The following PACRG variants were observed in gnomAD, a reference collection of about 807,000 sequenced individuals.
PACRG encodes parkin coregulated, also known as parkin coregulated gene protein.
PACRG carries 29 observed loss-of-function variants against 29.7 expected under a neutral mutation model. The observed-to-expected ratio is 0.98, with a 90% CI of 0.73 to 1.33. The LOEUF is 1.33. PACRG is among the 40% of genes most tolerant of loss of function. The probability of loss-of-function intolerance (pLI) is 0.00; values close to 1 mark genes in which losing one functional copy is unlikely to be tolerated. For missense variants in PACRG, 279 were observed against 316.2 expected (o/e 0.88, Z 0.89); for synonymous variants, 116 against 118.7 (o/e 0.98, Z 0.15).
chr6:163,177,709 G>GTTTTTTTTT (rs1562951194), intron 4 of PACRG, among the ~76,000 whole-genome samples: 1 of 33,646 alleles, frequency 3.0e-5, no homozygotes, highest in Non-Finnish European at 6.5e-5. Context: ...TTAGAAAAGG[G>GTTTTTTTTT]ATTTTTTTTT....
intron 4 of PACRG, among the ~76,000 whole-genome samples, chr6:163,229,402 AT>A (rs1781934729): frequency 6.6e-6 from 1 of 152,196 alleles, no homozygotes; most frequent in African/African-American, 2.4e-5. Flanking sequence ...AAAATCCAGT[AT>A]TTGTGATCCC....
At chr6:163,265,808 T>C (rs1260709719) in intron 4 of PACRG, among the ~76,000 whole-genome samples, 1 of 152,212 alleles carries the variant, frequency 6.6e-6, no homozygotes, top group African/African-American at 2.4e-5. Context: ...CAGGATTTTA[T>C]TTTAGTGATT....
At chr6:162,889,751 G>C (rs1466591591) in intron 2 of PACRG, among the ~76,000 whole-genome samples, 6 of 152,184 alleles carry the variant, frequency 3.9e-5, no homozygotes, top group Non-Finnish European at 8.8e-5. Context: ...TTATAGTCCG[G>C]TTATTTTCCA....
chr6:162,987,267 T>A (rs1584943174), intron 2 of PACRG, among the ~76,000 whole-genome samples: 1 of 152,138 alleles, frequency 6.6e-6, no homozygotes, highest in African/African-American at 2.4e-5. Flanking sequence ...GAGAGCCAGA[T>A]TGCATTGATT....
At chr6:163,282,991 G>T (rs1328410475) in intron 4 of PACRG, among the ~76,000 whole-genome samples, 1 of 152,222 alleles carries the variant, frequency 6.6e-6, no homozygotes, top group Non-Finnish European at 1.5e-5. Context: ...ATTAAAAAAA[G>T]AAGCTCTTGA....
At chr6:163,216,518 G>A (rs1347687975) in intron 4 of PACRG, among the ~76,000 whole-genome samples, 2 of 152,180 alleles carry the variant, frequency 1.3e-5, no homozygotes, top group Non-Finnish European at 2.9e-5. Context: ...TATAATTAAT[G>A]TAAAGCAAGG....
chr6:163,163,250 T>G (rs906290304), intron 4 of PACRG, among the ~76,000 whole-genome samples: 1 of 152,200 alleles, frequency 6.6e-6, no homozygotes, highest in Non-Finnish European at 1.5e-5. Flanking sequence ...TCCACATGGT[T>G]TTTTTTGTTG....
At chr6:162,727,870 A>C (rs948590167), upstream of PACRG, 3 of 598,302 alleles carry the variant, frequency 5.0e-6, no homozygotes, top group African/African-American at 3.8e-5. Flanking sequence ...GTTTCTCCTC[A>C]CGCCTCCTGC....
chr6:162,887,011 G>A (rs1008247555), intron 2 of PACRG, among the ~76,000 whole-genome samples: 3 of 152,062 alleles, frequency 2.0e-5, no homozygotes, highest in Non-Finnish European at 4.4e-5. Flanking sequence ...AGGTTCAAGC[G>A]ATTCTCCTGC....
At chr6:163,216,880 A>G (rs1024251927) in intron 4 of PACRG, among the ~76,000 whole-genome samples, 10 of 152,258 alleles carry the variant, frequency 6.6e-5, no homozygotes, top group African/African-American at 2.2e-4. Flanking sequence ...GCAACTTTAC[A>G]ATATTCAATG....
At chr6:163,031,325 C>A (rs1807642717) in intron 2 of PACRG, among the ~76,000 whole-genome samples, 1 of 152,202 alleles carries the variant, frequency 6.6e-6, no homozygotes, top group Non-Finnish European at 1.5e-5. Flanking sequence ...TAGGGGGTTG[C>A]TAGATCATTC....
intron 4 of PACRG, among the ~76,000 whole-genome samples, chr6:163,300,686 A>T (rs189249981): frequency 4.2e-4 from 64 of 152,344 alleles, no homozygotes; most frequent in Admixed American, 1.4e-3. Context: ...AAATCAGGAA[A>T]CCGGAATATA....
intron 2 of PACRG, chr6:163,046,822 T>C (rs1238285264): frequency 6.6e-6 from 1 of 152,222 alleles, no homozygotes; most frequent in East Asian, 1.9e-4. Flanking sequence ...TATATATATT[T>C]TTTGCTTTAG....
At position 163,269,952 on chromosome 6, in the gene PACRG, AAAG is replaced by A. The variant is rs1488834260; in HGVS notation, c.614-44872_614-44870del. Among the ~76,000 whole-genome samples the A allele has an allele frequency of 2.1e-3, 133 of 63,398 alleles. 19 individuals carry two copies. Among genetic ancestry groups the A allele is most frequent in the African/African-American group, 0.012 (126 of 10,820 alleles). The allele number at this position is 63,398 out of a possible 152,430, so 41.6% of individuals were successfully genotyped here. A position where few individuals can be genotyped will look rare whatever the true frequency, so the allele number is the denominator to read the frequency against. ...AAAACAAAGAAAGAAAGAAAGAAAG[AAAG>A]AAAGAAAGAAAGAAAGAAAGAAAGA... On this transcript the variant is annotated intron_variant, in intron 4 of 4. Transcript: ENST00000366888.
intron 2 of PACRG, chr6:162,891,903 A>G (rs1344858873): frequency 6.6e-6 from 1 of 152,336 alleles, no homozygotes; most frequent in African/African-American, 2.4e-5. Context: ...CACATCCCCC[A>G]TCACAACATG....
In PACRG at chr6:162,794,199, CT is replaced by C. The variant is rs199512759; in HGVS notation, c.157-19947del. On this transcript the variant is annotated intron_variant, in intron 1 of 4. Transcript: ENST00000366888. ...TTTTATTAGTGTTCTATTTGCACCC[CT>C]GTGATTATTAATGAAATTGAGCATT... Among the ~76,000 whole-genome samples, 25 of 152,162 alleles carry C rather than the reference CT, an allele frequency of 1.6e-4. No individual in the cohort carries two copies. In the East Asian group the frequency reaches 2.5e-3, roughly 15 times the overall value.
intron 4 of PACRG, among the ~76,000 whole-genome samples, chr6:163,269,363 G>A (rs539733690): frequency 3.9e-5 from 6 of 152,192 alleles, no homozygotes; most frequent in Non-Finnish European, 7.3e-5. Context: ...CTTGAAGCTT[G>A]ACTGAGGGTC....
chr6:163,260,488 T>C (rs1783281956), intron 4 of PACRG, among the ~76,000 whole-genome samples: 1 of 152,252 alleles, frequency 6.6e-6, no homozygotes, highest in African/African-American at 2.4e-5. Context: ...ACACCTATTG[T>C]TATTCTATTT....
At chr6:163,302,822 T>G (rs1284053642) in intron 4 of PACRG, among the ~76,000 whole-genome samples, 1 of 152,200 alleles carries the variant, frequency 6.6e-6, no homozygotes, top group Non-Finnish European at 1.5e-5. Flanking sequence ...TAATTATTTT[T>G]CTTGCTAGAA....
Sources: allele counts gnomAD v4.1 joint callset (sites outside exome capture counted in the v4.1 genomes callset), GRCh38; gene constraint gnomAD v4.1.1; transcripts MANE v1.5; gene names NCBI Gene and HGNC (gene_info 2026-07-23, HGNC 2026-07-21).